Variants in NELL1 observed in about 807,000 individuals in gnomAD.
NELL1 encodes protein kinase C-binding protein NELL1.
Under a neutral mutation model 107.4 loss-of-function variants are expected in NELL1, and 76 were observed. The observed-to-expected ratio is 0.71, with a 90% CI of 0.59 to 0.86. The LOEUF is 0.86. Ranked by LOEUF, NELL1 falls within the 40% of genes least tolerant of loss-of-function variation. NELL1 has a pLI of 0.00. For synonymous variants in NELL1, 353 were observed against 341.2 expected (o/e 1.03, Z -0.38); for missense variants, 1,024 against 1,005.5 (o/e 1.02, Z -0.25).
chr11:20,951,724 G>A (rs6416031), intron 11 of NELL1, among the ~76,000 whole-genome samples: 140,566 of 152,196 alleles, frequency 0.92, 65,025 homozygotes, highest in East Asian at 1. Flanking sequence ...GGATACTGGC[G>A]GGGAGAGGCC....
Position 20,947,376 on chromosome 11 carries a change from T to G in NELL1, c.1112T>G (p.Leu371Trp). 1 of 1,614,068 alleles carries G rather than the reference T, an allele frequency of 6.2e-7. No individual in the cohort carries two copies. Among genetic ancestry groups the G allele is most frequent in the Non-Finnish European group, 8.5e-7 (1 of 1,179,954 alleles). The change falls in exon 11 of 20, where the codon TTG becomes TGG. Residue 371 changes from leucine (L) to tryptophan (W), a missense_variant. Leu to Trp is a moderately conservative substitution (Grantham distance 61). Coordinates refer to ENST00000357134, the MANE Select transcript of NELL1 (RefSeq NM_006157.5). ...AAAATTACAGAAATGTGTCCTCCTT[T>G]GAACTGCTCAGAAAAGGATCACATT... ...LVKITEMCPP[L>W]NCSEKDHILP...
At chr11:21,394,560 A>T (rs938238283) in intron 15 of NELL1, among the ~76,000 whole-genome samples, 1 of 151,416 alleles carries the variant, frequency 6.6e-6, no homozygotes, top group African/African-American at 2.4e-5. Flanking sequence ...TTGTCCTTGT[A>T]TATAAAGTAT....
At chr11:21,215,413 G>A (rs529190773) in intron 13 of NELL1, among the ~76,000 whole-genome samples, 3 of 152,256 alleles carry the variant, frequency 2.0e-5, no homozygotes, top group Non-Finnish European at 4.4e-5. Flanking sequence ...CAGTAAATTG[G>A]TGTAGAGAGT....
intron 3 of NELL1, among the ~76,000 whole-genome samples, chr11:20,845,800 G>A (rs533449098): frequency 3.9e-5 from 6 of 151,976 alleles, no homozygotes; most frequent in African/African-American, 1.2e-4. Flanking sequence ...TGGGGGGGCC[G>A]TGGGGAGGGA....
At chr11:21,342,939 C>T (rs1850606535) in intron 14 of NELL1, among the ~76,000 whole-genome samples, 1 of 152,052 alleles carries the variant, frequency 6.6e-6, no homozygotes, top group Non-Finnish European at 1.5e-5. Context: ...GGAAATTCCT[C>T]CAGGAAGCAC....
At chr11:21,124,254 C>A (rs956267398) in intron 13 of NELL1, among the ~76,000 whole-genome samples, 3 of 151,774 alleles carry the variant, frequency 2.0e-5, no homozygotes, top group African/African-American at 7.3e-5. Flanking sequence ...GTTTTTTTCC[C>A]CCCGAAGTCT....
chr11:21,360,882 AT>A (rs2133737184), intron 14 of NELL1, among the ~76,000 whole-genome samples: 1 of 152,250 alleles, frequency 6.6e-6, no homozygotes, highest in African/African-American at 2.4e-5. Flanking sequence ...AAGACAGCAG[AT>A]ACTTGTTTGG....
chr11:20,894,660 A>G (rs908724790), intron 5 of NELL1, among the ~76,000 whole-genome samples: 3 of 152,198 alleles, frequency 2.0e-5, no homozygotes, highest in Admixed American at 2.0e-4. Flanking sequence ...GCCTTCATTC[A>G]CTGCTGGTGG....
chr11:21,119,990 T>G (rs1235780541), intron 13 of NELL1, among the ~76,000 whole-genome samples: 2 of 152,140 alleles, frequency 1.3e-5, no homozygotes, highest in Non-Finnish European at 2.9e-5. Flanking sequence ...CATTCATTTT[T>G]ATGCCAAAAG....
chr11:20,975,769 TTA>T (rs1851601575), intron 12 of NELL1, among the ~76,000 whole-genome samples: 1 of 131,566 alleles, frequency 7.6e-6, no homozygotes, highest in South Asian at 2.3e-4. Context: ...TATATATGTA[TTA>T]TATGATATAC....
intron 14 of NELL1, among the ~76,000 whole-genome samples, chr11:21,336,323 C>G (rs1235506161): frequency 6.6e-6 from 1 of 152,004 alleles, no homozygotes; most frequent in Non-Finnish European, 1.5e-5. Context: ...AAGCTCACAA[C>G]TCTCCATACG....
intron 15 of NELL1, among the ~76,000 whole-genome samples, chr11:21,406,101 A>G (rs949149024): frequency 8.6e-5 from 13 of 152,044 alleles, no homozygotes; most frequent in Non-Finnish European, 1.9e-4. Context: ...AAAACTTTGT[A>G]AAGGAAGCTA....
At chr11:20,844,154 A>G (rs1848666123) in intron 3 of NELL1, among the ~76,000 whole-genome samples, 1 of 152,088 alleles carries the variant, frequency 6.6e-6, no homozygotes, top group African/African-American at 2.4e-5. Context: ...TTATTCCTGG[A>G]TGCTGTATTT....
chr11:20,814,515 G>A (rs944867129), intron 3 of NELL1, among the ~76,000 whole-genome samples: 2 of 152,164 alleles, frequency 1.3e-5, no homozygotes, highest in Non-Finnish European at 2.9e-5. Context: ...TGTACCCAAT[G>A]TTCGGCTCCC....
At chr11:20,900,223 C>G (rs1385565078) in intron 5 of NELL1, among the ~76,000 whole-genome samples, 1 of 152,126 alleles carries the variant, frequency 6.6e-6, no homozygotes, top group Non-Finnish European at 1.5e-5. Flanking sequence ...CTAGCCCAAA[C>G]TAGTTTACAT....
intron 12 of NELL1, among the ~76,000 whole-genome samples, chr11:21,084,155 T>G (rs767723560): frequency 6.6e-6 from 1 of 152,148 alleles, no homozygotes; most frequent in Non-Finnish European, 1.5e-5. Context: ...TTTGTTTCCC[T>G]TGTTTGTCCA....
chr11:20,952,271 G>A (rs1015133598), intron 11 of NELL1, among the ~76,000 whole-genome samples: 1 of 152,072 alleles, frequency 6.6e-6, no homozygotes, highest in Non-Finnish European at 1.5e-5. Context: ...AGTTCTTTCC[G>A]ACATCTGTTC....
chr11:21,174,690 C>T (rs1457986245), intron 13 of NELL1, among the ~76,000 whole-genome samples: 2 of 151,728 alleles, frequency 1.3e-5, no homozygotes, highest in East Asian at 3.9e-4. Flanking sequence ...TGCTTTAGAC[C>T]CACTATTCTT....
intron 4 of NELL1, among the ~76,000 whole-genome samples, chr11:20,866,990 G>T (rs1564941309): frequency 6.6e-6 from 1 of 152,196 alleles, no homozygotes; most frequent in Non-Finnish European, 1.5e-5. Context: ...AGCTGGCTAT[G>T]TTGGGCACAA....
Sources: allele counts gnomAD v4.1 joint callset (sites outside exome capture counted in the v4.1 genomes callset), GRCh38; gene constraint gnomAD v4.1.1; transcripts MANE v1.5; gene names NCBI Gene and HGNC (gene_info 2026-07-23, HGNC 2026-07-21).